Variants in ALK observed in about 807,000 individuals in gnomAD.
The protein encoded by ALK is ALK receptor tyrosine kinase.
Under a neutral mutation model 163.1 loss-of-function variants are expected in ALK, and 74 were observed. The ratio of observed to expected loss-of-function variants is 0.45; its 90% confidence interval spans 0.38 to 0.55. The LOEUF is 0.55. Ranked by LOEUF, ALK falls within the 20% of genes least tolerant of loss-of-function variation. ALK has a pLI of 0.00. For missense variants in ALK, 2,063 were observed against 2,105.3 expected (o/e 0.98, Z 0.39); for synonymous variants, 960 against 843.2 (o/e 1.14, Z -2.40).
Position 29,749,213 on chromosome 2 carries a change from TG to T in ALK, c.668-31517del, listed in dbSNP as rs1436935038. Among the ~76,000 whole-genome samples the T allele has an allele frequency of 2.6e-5, 4 of 152,330 alleles. No homozygotes were observed. The East Asian group carries it at 7.7e-4, about 29-fold the overall frequency. On this transcript the variant is annotated intron_variant, in intron 1 of 28. Coordinates refer to ENST00000389048, the MANE Select transcript of ALK (RefSeq NM_004304.5). ...CCCAGGGTTTCTGATTCAGTAGGTC[TG>T]GGGTGGAGCCCAAGAATTCACATTG... is the stretch of plus-strand genomic sequence containing the variant.
chr2:29,750,339 G>C (rs1187699377), intron 1 of ALK, among the ~76,000 whole-genome samples: 1 of 152,100 alleles, frequency 6.6e-6, no homozygotes, highest in Non-Finnish European at 1.5e-5. Flanking sequence ...TATAACAATG[G>C]TATTTGTGAC....
At chr2:29,772,091 C>T (rs538276361) in intron 1 of ALK, among the ~76,000 whole-genome samples, 6 of 152,136 alleles carry the variant, frequency 3.9e-5, no homozygotes, top group African/African-American at 1.4e-4. Context: ...GGACAACCCA[C>T]CCAGATGGGA....
intron 11 of ALK, among the ~76,000 whole-genome samples, chr2:29,271,346 T>C (rs1247875629): frequency 6.6e-6 from 1 of 152,216 alleles, no homozygotes; most frequent in Non-Finnish European, 1.5e-5. Context: ...ATGAAACATA[T>C]AAAACTTTCT....
At chr2:29,396,398 G>A (rs775297763) in intron 4 of ALK, among the ~76,000 whole-genome samples, 1 of 152,108 alleles carries the variant, frequency 6.6e-6, no homozygotes, top group Non-Finnish European at 1.5e-5. Context: ...AAACATGGCC[G>A]GGTGCAGTGG....
intron 4 of ALK, among the ~76,000 whole-genome samples, chr2:29,510,735 T>C (rs4665463): frequency 0.38 from 57,387 of 152,052 alleles, 11,808 homozygotes; most frequent in South Asian, 0.56. Flanking sequence ...AACTTCCAGG[T>C]ATTACCTGAT....
intron 1 of ALK, among the ~76,000 whole-genome samples, chr2:29,839,645 CTTTG>C (rs1396971521): frequency 6.6e-6 from 1 of 152,090 alleles, no homozygotes; most frequent in Non-Finnish European, 1.5e-5. Flanking sequence ...TGCTTCCCTC[CTTTG>C]TTTGTGTCCC....
rs547929752 is a variant in ALK at position 29,376,769 on chromosome 2, A to G, written c.1282+6963T>C. 2.0e-5 allele frequency among the ~76,000 whole-genome samples: 3 copies of G among 152,338 alleles called. No homozygotes were observed. In the South Asian group the frequency reaches 6.2e-4, roughly 32 times the overall value. ...CCATGAAGTAATCCCTCATTTACCC[A>G]GCTGGATTTTGGAGCCTACTCTAGA... On this transcript the variant is annotated intron_variant, in intron 5 of 28. Coordinates refer to ENST00000389048, the MANE Select transcript of ALK (RefSeq NM_004304.5).
intron 1 of ALK, among the ~76,000 whole-genome samples, chr2:29,886,277 T>C (rs566083660): frequency 1.2e-4 from 19 of 152,360 alleles, no homozygotes; most frequent in African/African-American, 4.6e-4. Context: ...CTATTAGTGG[T>C]TAATCATAAT....
intron 1 of ALK, among the ~76,000 whole-genome samples, chr2:29,877,602 A>G (rs1666757116): frequency 1.3e-5 from 2 of 152,204 alleles, no homozygotes; most frequent in Non-Finnish European, 2.9e-5. Flanking sequence ...TTCAGTGGGT[A>G]AGTCAGTTCA....
chr2:29,668,488 CT>C (rs1277478001), intron 3 of ALK, among the ~76,000 whole-genome samples: 3 of 151,776 alleles, frequency 2.0e-5, no homozygotes, highest in Non-Finnish European at 4.4e-5. Context: ...TTAAAATTTC[CT>C]TCTTATTTTC....
intron 1 of ALK, among the ~76,000 whole-genome samples, chr2:29,872,084 T>C (rs1278486743): frequency 6.6e-6 from 1 of 152,184 alleles, no homozygotes; most frequent in Non-Finnish European, 1.5e-5. Flanking sequence ...TCAGGAAACC[T>C]CACACTCTCC....
intron 1 of ALK, among the ~76,000 whole-genome samples, chr2:29,849,481 C>A (rs1244162641): frequency 6.6e-6 from 1 of 152,164 alleles, no homozygotes; most frequent in African/African-American, 2.4e-5. Context: ...AGTGCTCGGC[C>A]AAATGTGTTT....
Position 29,920,300 on chromosome 2 carries a change from G to C in ALK, c.360C>G (p.Ala120=), listed in dbSNP as rs2148443423. 1 of 1,563,596 alleles carries C rather than the reference G, an allele frequency of 6.4e-7. No individual in the cohort carries two copies. The highest frequency in any genetic ancestry group is 8.7e-7 in the Non-Finnish European group (1 of 1,155,410). ...WTAGSPAPAE[A]RTLSRVLKGG... The stretch of plus-strand genomic sequence containing the variant: ...CCTTCAGCACCCTGGACAGCGTCCG[G>C]GCCTCTGCCGGGGCTGGTGAACCGG... The change falls in exon 1 of 29, where the codon GCC becomes GCG. Residue 120 remains alanine, a synonymous_variant. Transcript: ENST00000389048.
chr2:29,559,769 G>A (rs1477661249), intron 3 of ALK, among the ~76,000 whole-genome samples: 1 of 6,092 alleles, frequency 1.6e-4, no homozygotes, highest in African/African-American at 6.0e-4. Context: ...GAGCATGTAC[G>A]TGTGTGTGTG....
At chr2:29,407,516 A>G (rs1669614432) in intron 4 of ALK, among the ~76,000 whole-genome samples, 1 of 152,250 alleles carries the variant, frequency 6.6e-6, no homozygotes, top group Non-Finnish European at 1.5e-5. Context: ...GCTGAGTTTG[A>G]ATTCAGGGCC....
At chr2:29,919,967 G>A (rs772594089) in intron 1 of ALK, 26 bp downstream of exon 1, 2 of 1,609,970 alleles carry the variant, frequency 1.2e-6, no homozygotes, top group Admixed American at 1.7e-5. Context: ...ACTAAATCCC[G>A]GCACACTCAG....
Position 29,239,718 on chromosome 2 carries a change from T to C in ALK, c.2317A>G (p.Ile773Val), listed in dbSNP as rs1315391305. ...FNLEKDDMLYILVGQQGEDAC... is the reference protein window; with the variant it reads ...FNLEKDDMLYVLVGQQGEDAC... ...TCCTCTCCCTGCTGCCCAACCAGGA[T>C]GTACAGCATGTCATCCTTCTCCAGG... The change falls in exon 13 of 29, where the codon ATC becomes GTC. Residue 773 changes from isoleucine (I) to valine (V), a missense_variant. Transcript: ENST00000389048. The C allele has an allele frequency of 1.2e-6, 2 of 1,614,046 alleles. No homozygotes were observed. Among genetic ancestry groups the C allele is most frequent in the Non-Finnish European group, 1.7e-6 (2 of 1,180,030 alleles).
intron 5 of ALK, among the ~76,000 whole-genome samples, chr2:29,374,440 A>T (rs1327167045): frequency 1.3e-5 from 2 of 152,152 alleles, no homozygotes; most frequent in Non-Finnish European, 2.9e-5. Flanking sequence ...ATGAAAAAAA[A>T]AAAAGCACTT....
At chr2:29,325,792 T>C (rs1478965630) in intron 6 of ALK, among the ~76,000 whole-genome samples, 1 of 152,202 alleles carries the variant, frequency 6.6e-6, no homozygotes, top group Non-Finnish European at 1.5e-5. Context: ...CACAGGATGT[T>C]GTAAGGATGA....
Sources: gnomAD v4.1 joint callset for allele counts (sites outside exome capture counted in the v4.1 genomes callset) on GRCh38, gnomAD v4.1.1 for gene constraint, MANE v1.5 for transcripts, NCBI Gene and HGNC (gene_info 2026-07-23, HGNC 2026-07-21) for gene names.